The following ELMOD1 variants were observed in gnomAD, a reference collection of about 807,000 sequenced individuals.
ELMOD1 encodes the protein ELMO domain containing 1.
Under a neutral mutation model 46.7 loss-of-function variants are expected in ELMOD1, and 21 were observed. The ratio of observed to expected loss-of-function variants is 0.45; its 90% CI spans 0.32 to 0.65. The LOEUF is 0.65. Among genes scored for constraint, ELMOD1 ranks in the 30% least tolerant of loss-of-function variants. The pLI is 0.04. For missense variants in ELMOD1, 348 were observed against 407.8 expected, an observed-to-expected ratio of 0.85 and a Z score of 1.26; for synonymous variants, 122 against 138.2, an observed-to-expected ratio of 0.88 and a Z score of 0.82.
intron 2 of ELMOD1, among the ~76,000 whole-genome samples, chr11:107,619,024 G>A (rs535950898): frequency 7.2e-5 from 11 of 152,062 alleles, no homozygotes; most frequent in Middle Eastern, 3.4e-3. Flanking sequence ...TCTTTCACTC[G>A]GGCCTGTTTT....
intron 2 of ELMOD1, among the ~76,000 whole-genome samples, chr11:107,619,539 A>C (rs1285278833): frequency 1.3e-5 from 2 of 152,158 alleles, no homozygotes; most frequent in Non-Finnish European, 2.9e-5. Context: ...CTCCCTTTGT[A>C]AAAGTGGTGA....
rs1348821054 is a variant in ELMOD1 at position 107,654,252 on chromosome 11, G to A, written c.698+30G>A. 7 of 1,570,996 alleles carry A rather than the reference G, an allele frequency of 4.5e-6. No individual in the cohort carries two copies. In the Admixed American group the frequency reaches 7.4e-5, roughly 17 times the overall value. On this transcript the variant is annotated intron_variant, in intron 10 of 11. Coordinates refer to ENST00000265840, the MANE Select transcript of ELMOD1 (RefSeq NM_018712.4). The stretch of plus-strand genomic sequence containing the variant: ...GTATGGGATCTCACATGGAAAGATG[G>A]TCCGTCTGAAACAGAACCAGAACTA...
intron 1 of ELMOD1, among the ~76,000 whole-genome samples, chr11:107,608,027 AAAAAAAG>A (rs1480980616): frequency 6.7e-5 from 10 of 149,756 alleles, no homozygotes; most frequent in African/African-American, 2.5e-4. Flanking sequence ...CTAAAAAAAA[AAAAAAAG>A]AAAAAAAAAA....
chr11:107,601,748 A>T (rs1219615247), intron 1 of ELMOD1, among the ~76,000 whole-genome samples: 1 of 151,990 alleles, frequency 6.6e-6, no homozygotes, highest in Non-Finnish European at 1.5e-5. Flanking sequence ...TTTTTTTATT[A>T]TCTATTAATG....
intron 6 of ELMOD1, among the ~76,000 whole-genome samples, chr11:107,638,076 G>A (rs1234062180): frequency 2.6e-5 from 4 of 152,036 alleles, no homozygotes; most frequent in South Asian, 4.2e-4. Flanking sequence ...GCCATTCACC[G>A]TGACCCAGAA....
At chr11:107,605,327 G>A (rs1865667654) in intron 1 of ELMOD1, among the ~76,000 whole-genome samples, 1 of 151,664 alleles carries the variant, frequency 6.6e-6, no homozygotes, top group African/African-American at 2.4e-5. Context: ...AGCCTCCCTA[G>A]TAGCTGGGAC....
intron 2 of ELMOD1, among the ~76,000 whole-genome samples, chr11:107,621,365 A>G (rs922247580): frequency 2.0e-5 from 3 of 152,214 alleles, no homozygotes; most frequent in African/African-American, 7.2e-5. Context: ...CAAGGGAAAA[A>G]ACTATTTTTC....
At chr11:107,651,139 C>T (rs181641095) in intron 9 of ELMOD1, among the ~76,000 whole-genome samples, 446 of 152,300 alleles carry the variant, frequency 2.9e-3, no homozygotes, top group Admixed American at 6.0e-3. Context: ...ATGACGGAAC[C>T]TGGTTGGAGA....
chr11:107,592,028 T>A, intron 1 of ELMOD1: 1 of 483,444 alleles, frequency 2.1e-6, no homozygotes, highest in South Asian at 1.6e-5. Flanking sequence ...GAGTGGGGAG[T>A]GACAGCTGAC....
intron 5 of ELMOD1, among the ~76,000 whole-genome samples, chr11:107,633,178 G>T (rs186172587): frequency 1.3e-5 from 2 of 152,070 alleles, no homozygotes; most frequent in Non-Finnish European, 2.9e-5. Context: ...TCAGATAAGG[G>T]TTACTCAACC....
At chr11:107,622,008 C>G (rs1865958226) in intron 2 of ELMOD1, among the ~76,000 whole-genome samples, 1 of 152,120 alleles carries the variant, frequency 6.6e-6, no homozygotes, top group East Asian at 1.9e-4. Context: ...GCCTAGGTGA[C>G]AAGAGCAAAA....
intron 1 of ELMOD1, among the ~76,000 whole-genome samples, chr11:107,610,221 G>A (rs964434193): frequency 6.6e-6 from 1 of 152,128 alleles, no homozygotes; most frequent in African/African-American, 2.4e-5. Context: ...CCTCTAGAGA[G>A]GAAGTCTTTG....
chr11:107,618,292 G>C, intron 2 of ELMOD1, 86 bp downstream of exon 2: 1 of 1,429,454 alleles, frequency 7.0e-7, no homozygotes, highest in African/African-American at 1.4e-5. Flanking sequence ...GTCATCGTTT[G>C]TGATCCTGTG....
chr11:107,643,616 C>T (rs371362633), intron 6 of ELMOD1: 1 of 530,434 alleles, frequency 1.9e-6, no homozygotes, highest in Non-Finnish European at 3.9e-6. Flanking sequence ...ATCTGGACGG[C>T]ATTCAGTCTG....
chr11:107,608,293 A>G (rs554424426), intron 1 of ELMOD1, among the ~76,000 whole-genome samples: 12 of 152,314 alleles, frequency 7.9e-5, no homozygotes, highest in African/African-American at 2.9e-4. Context: ...CACTCAAGTT[A>G]GTATATATCT....
chr11:107,607,500 A>G (rs1865705332), intron 1 of ELMOD1, among the ~76,000 whole-genome samples: 1 of 152,148 alleles, frequency 6.6e-6, no homozygotes, highest in Non-Finnish European at 1.5e-5. Context: ...CTACAAAAAA[A>G]TACAAAAAAT....
At chr11:107,644,430 A>G (rs1338385150) in intron 6 of ELMOD1, among the ~76,000 whole-genome samples, 3 of 152,122 alleles carry the variant, frequency 2.0e-5, no homozygotes, top group Non-Finnish European at 4.4e-5. Context: ...TGCTTTTGCC[A>G]TCTTGCTGCA....
At chr11:107,604,961 A>G (rs1296621521) in intron 1 of ELMOD1, among the ~76,000 whole-genome samples, 1 of 152,208 alleles carries the variant, frequency 6.6e-6, no homozygotes, top group Non-Finnish European at 1.5e-5. Flanking sequence ...TTCTGATTGT[A>G]TAAAAGCAAA....
Position 107,603,623 on chromosome 11 carries a change from AAC to A in ELMOD1, c.-86+12215_-86+12216del, listed in dbSNP as rs1865640032. On this transcript the variant is annotated intron_variant, in intron 1 of 11. Transcript: ENST00000265840. The stretch of plus-strand genomic sequence containing the variant: ...CTTCTTACACTCCCACTTTTAGAGG[AAC>A]TGGGCACCTCTAACTCCTGAACATG... Among the ~76,000 whole-genome samples, 3 of 151,968 alleles carry A rather than the reference AAC, an allele frequency of 2.0e-5. 1 individual carries two copies. Among genetic ancestry groups the A allele is most frequent in the Admixed American group, 1.3e-4 (2 of 15,264 alleles).
Sources: allele counts gnomAD v4.1 joint callset (sites outside exome capture counted in the v4.1 genomes callset), GRCh38; gene constraint gnomAD v4.1.1; transcripts MANE v1.5; gene names NCBI Gene and HGNC (gene_info 2026-07-23, HGNC 2026-07-21).